The following LRRC4C variants were observed in gnomAD, a reference collection of about 807,000 sequenced individuals.
LRRC4C encodes the protein leucine-rich repeat-containing protein 4C.
Under a neutral mutation model 33.6 loss-of-function variants are expected in LRRC4C, and 5 were observed. The ratio of observed to expected loss-of-function variants is 0.15; its 90% CI spans 0.08 to 0.31. The LOEUF (loss-of-function observed/expected upper bound fraction) is 0.31, where lower values mean the gene tolerates loss of function less well. Among genes scored for constraint, LRRC4C ranks in the 10% least tolerant of loss-of-function variants. The pLI is 1.00. For synonymous variants in LRRC4C, 329 were observed against 302.0 expected (o/e 1.09, Z -0.93); for missense variants, 560 against 796.7 (o/e 0.70, Z 3.58).
intron 1 of LRRC4C, among the ~76,000 whole-genome samples, chr11:41,102,225 G>A (rs1366881723): frequency 6.6e-6 from 1 of 152,044 alleles, no homozygotes; most frequent in Non-Finnish European, 1.5e-5. Context: ...TTAAAGCTGA[G>A]TCTAAAAATG....
chr11:41,063,259 C>CA (rs1937931220), intron 1 of LRRC4C, among the ~76,000 whole-genome samples: 1 of 152,068 alleles, frequency 6.6e-6, no homozygotes. Flanking sequence ...CTAGTATTAC[C>CA]AGACATTGTT....
intron 3 of LRRC4C, among the ~76,000 whole-genome samples, chr11:40,402,986 C>T (rs558338798): frequency 6.6e-6 from 1 of 152,128 alleles, no homozygotes; most frequent in South Asian, 2.1e-4. Flanking sequence ...TTAATCTATT[C>T]CTCAGTTAGA....
rs774275113 is a variant in LRRC4C, at chr11:40,380,279, GT to G, written c.-269-60559del. ...TTAATCTAGACTGTAATCAGGCAAGGTTTTTGTGGTGGTTTATGTTTTAAAT... is the reference window on the plus strand; with the variant it reads ...TTAATCTAGACTGTAATCAGGCAAGGTTTTGTGGTGGTTTATGTTTTAAAT... On this transcript the variant is annotated intron_variant, in intron 3 of 6. Transcript: ENST00000528697. Among the ~76,000 whole-genome samples, 13 of 152,214 alleles carry G rather than the reference GT, an allele frequency of 8.5e-5. No individual in the cohort carries two copies. In the South Asian group the frequency reaches 1.0e-3, roughly 12 times the overall value.
At chr11:40,966,218 A>T (rs926683883) in intron 1 of LRRC4C, among the ~76,000 whole-genome samples, 1 of 152,010 alleles carries the variant, frequency 6.6e-6, no homozygotes, top group Non-Finnish European at 1.5e-5. Context: ...GCAACATGTC[A>T]TGAAAGAATA....
chr11:41,344,857 G>A (rs1049808918), intron 1 of LRRC4C, among the ~76,000 whole-genome samples: 1 of 152,190 alleles, frequency 6.6e-6, no homozygotes, highest in African/African-American at 2.4e-5. Flanking sequence ...TAAATTGTAT[G>A]TTTGGAAACC....
intron 1 of LRRC4C, among the ~76,000 whole-genome samples, chr11:41,073,742 G>A (rs114819838): frequency 0.015 from 2,214 of 152,300 alleles, 61 homozygotes; most frequent in African/African-American, 0.051. Context: ...CAAATTGACT[G>A]TTGTCTTGTA....
intron 4 of LRRC4C, among the ~76,000 whole-genome samples, chr11:40,274,033 C>T (rs2136369060): frequency 6.6e-6 from 1 of 152,138 alleles, no homozygotes; most frequent in South Asian, 2.1e-4. Flanking sequence ...GGTAGGCATC[C>T]TGAGAGCATT....
chr11:40,202,929 C>T (rs1453451173), intron 5 of LRRC4C, among the ~76,000 whole-genome samples: 1 of 152,242 alleles, frequency 6.6e-6, no homozygotes, highest in Non-Finnish European at 1.5e-5. Flanking sequence ...ATGATTTGCA[C>T]TTGCAAGTCA....
At chr11:40,235,281 T>A (rs1266036229) in intron 5 of LRRC4C, among the ~76,000 whole-genome samples, 1 of 152,226 alleles carries the variant, frequency 6.6e-6, no homozygotes, top group African/African-American at 2.4e-5. Context: ...TTTAGCCCAA[T>A]AGCTGGATTA....
rs552562233 is a variant in LRRC4C at position 41,232,942 on chromosome 11, T to A, written c.-496+226489A>T. Among the ~76,000 whole-genome samples, 4 of 152,214 alleles carry A rather than the reference T, an allele frequency of 2.6e-5. No homozygotes were observed. The East Asian group carries it at 7.7e-4, about 29-fold the overall frequency. On this transcript the variant is annotated intron_variant, in intron 1 of 6. Transcript: ENST00000528697. ...TATGAGCCTTCATTGAATGAACTCATGTTTTAATTTTAGCAACTTTGCATT... is the reference window on the plus strand; with the variant it reads ...TATGAGCCTTCATTGAATGAACTCAAGTTTTAATTTTAGCAACTTTGCATT...
At chr11:41,381,398 C>T (rs575274431) in intron 1 of LRRC4C, among the ~76,000 whole-genome samples, 74 of 152,018 alleles carry the variant, frequency 4.9e-4, no homozygotes, top group African/African-American at 1.0e-3. Flanking sequence ...GAGGCCGAGG[C>T]GGGCAGATCA....
chr11:41,124,705 T>A (rs1485568128), intron 1 of LRRC4C, among the ~76,000 whole-genome samples: 5 of 152,196 alleles, frequency 3.3e-5, no homozygotes, highest in African/African-American at 7.2e-5. Flanking sequence ...GTTAAAAAAA[T>A]GTTTCCTCTA....
chr11:40,651,540 T>C (rs1487285194), intron 2 of LRRC4C, among the ~76,000 whole-genome samples: 1 of 152,168 alleles, frequency 6.6e-6, no homozygotes, highest in African/African-American at 2.4e-5. Flanking sequence ...TATCCATCTA[T>C]TGGAGATCCT....
At chr11:40,530,555 C>T (rs1416439367) in intron 3 of LRRC4C, among the ~76,000 whole-genome samples, 1 of 152,088 alleles carries the variant, frequency 6.6e-6, no homozygotes. Flanking sequence ...GCTCAGAGGA[C>T]CCTCAGTAAC....
intron 1 of LRRC4C, among the ~76,000 whole-genome samples, chr11:41,102,110 C>T (rs776420590): frequency 2.6e-5 from 4 of 151,710 alleles, no homozygotes; most frequent in South Asian, 2.1e-4. Context: ...ATAACAAACC[C>T]GTACATGTAC....
At chr11:41,235,178 C>T (rs958871965) in intron 1 of LRRC4C, among the ~76,000 whole-genome samples, 2 of 152,030 alleles carry the variant, frequency 1.3e-5, no homozygotes, top group Non-Finnish European at 2.9e-5. Context: ...TTCATTTAAA[C>T]ACTCATAAAA....
At chr11:41,000,387 C>T (rs1029069301) in intron 1 of LRRC4C, among the ~76,000 whole-genome samples, 1 of 152,040 alleles carries the variant, frequency 6.6e-6, no homozygotes, top group East Asian at 1.9e-4. Flanking sequence ...AAACAAAATG[C>T]CTATTAGAAT....
intron 3 of LRRC4C, among the ~76,000 whole-genome samples, chr11:40,616,668 C>A (rs538049569): frequency 2.6e-5 from 4 of 151,834 alleles, no homozygotes; most frequent in East Asian, 1.9e-4. Context: ...GGACAAAAAA[C>A]CAAACACTGC....
intron 1 of LRRC4C, among the ~76,000 whole-genome samples, chr11:41,331,531 C>T (rs762523847): frequency 5.8e-4 from 88 of 152,256 alleles, no homozygotes; most frequent in Admixed American, 2.2e-3. Context: ...AACTTGCCGC[C>T]TCCCTTCACT....
Sources: allele counts gnomAD v4.1 joint callset (sites outside exome capture counted in the v4.1 genomes callset), GRCh38; gene constraint gnomAD v4.1.1; transcripts MANE v1.5; gene names NCBI Gene and HGNC (gene_info 2026-07-23, HGNC 2026-07-21).